The following RRAGD variants were observed in gnomAD, a reference collection of about 807,000 sequenced individuals.
The protein encoded by RRAGD is Ras related GTP binding D.
In RRAGD, 12 loss-of-function variants were observed where a neutral mutation model predicts 35.5. That is an observed-to-expected ratio of 0.34 (90% CI 0.22 to 0.55). RRAGD has a LOEUF of 0.55. Among genes scored for constraint, RRAGD ranks in the 20% least tolerant of loss-of-function variants. The probability of loss-of-function intolerance (pLI) is 0.91; values close to 1 mark genes in which losing one functional copy is unlikely to be tolerated. For synonymous variants in RRAGD, 155 were observed against 178.9 expected, an observed-to-expected ratio of 0.87 and a Z score of 1.07; for missense variants, 324 against 490.1, an observed-to-expected ratio of 0.66 and a Z score of 3.20.
intron 1 of RRAGD, among the ~76,000 whole-genome samples, chr6:89,408,698 C>T (rs1303977397): frequency 1.3e-5 from 2 of 152,082 alleles, no homozygotes; most frequent in African/African-American, 4.8e-5. Context: ...GAGCAGCTTA[C>T]GTTAGCCAAG....
At chr6:89,375,464 T>C (rs568763304) in intron 5 of RRAGD, among the ~76,000 whole-genome samples, 2 of 151,558 alleles carry the variant, frequency 1.3e-5, no homozygotes, top group African/African-American at 4.8e-5. Flanking sequence ...TGTGTGTGCA[T>C]ATATGTGCGT....
intron 1 of RRAGD, among the ~76,000 whole-genome samples, chr6:89,401,680 G>A (rs1769464940): frequency 6.6e-6 from 1 of 151,968 alleles, no homozygotes; most frequent in Admixed American, 6.6e-5. Context: ...CTCAGCTCAG[G>A]ATCTCACTTT....
At chr6:89,402,045 T>TTTTTTCTTTTTTTTTTTC (rs1769479114) in intron 1 of RRAGD, among the ~76,000 whole-genome samples, 1 of 134,000 alleles carries the variant, frequency 7.5e-6, no homozygotes, top group African/African-American at 3.1e-5. Flanking sequence ...AGGATTTTTT[T>TTTTTTCTTTTTTTTTTTC]TTTTTTTTTT....
Position 89,367,928 on chromosome 6 carries a change from A to ATTT in RRAGD, c.*125_*127dup. 15 of 717,172 alleles carry ATTT rather than the reference A, an allele frequency of 2.1e-5. No individual in the cohort carries two copies. Among genetic ancestry groups the ATTT allele is most frequent in the South Asian group, 4.1e-5 (1 of 24,194 alleles). 44.4% of individuals were successfully genotyped at this position (717,172 alleles called of 1,614,324 possible). On this transcript the variant is annotated 3_prime_UTR_variant, in exon 7 of 7. Transcript: ENST00000369415. ...AGAGAAGATCAAGAGGGTTGCAGGAATTTTTTTTTTTTAACAACAAATCAA... is the reference window on the plus strand; with the variant it reads ...AGAGAAGATCAAGAGGGTTGCAGGAATTTTTTTTTTTTTTTAACAACAAATCAA...
At chr6:89,399,232 G>C (rs148140238) in intron 1 of RRAGD, among the ~76,000 whole-genome samples, 22 of 152,296 alleles carry the variant, frequency 1.4e-4, no homozygotes, top group Non-Finnish European at 2.4e-4. Flanking sequence ...CACTGTGAAG[G>C]GGGGAGGGAG....
intron 1 of RRAGD, among the ~76,000 whole-genome samples, chr6:89,407,314 G>C (rs1005130776): frequency 6.6e-6 from 1 of 152,136 alleles, no homozygotes; most frequent in East Asian, 1.9e-4. Context: ...AAAATAAAAG[G>C]ATACCAAAAG....
At chr6:89,374,717 C>T (rs1013226390) in intron 5 of RRAGD, among the ~76,000 whole-genome samples, 10 of 149,092 alleles carry the variant, frequency 6.7e-5, no homozygotes, top group African/African-American at 2.0e-4. Flanking sequence ...GCAACAAGAG[C>T]GAAACTCCAT....
At position 89,372,397 on chromosome 6, in the gene RRAGD, C is replaced by T. The variant is rs186389752; in HGVS notation, c.1051+40G>A. 15 of 1,567,428 alleles carry T rather than the reference C, an allele frequency of 9.6e-6. No homozygotes were observed. In the African/African-American group the frequency reaches 1.6e-4, roughly 17 times the overall value. ...CAATACATGCAGTAGCAGTCTGATG[C>T]TTCTTTTAATGCTTCTTTTAAATCA... is the stretch of plus-strand genomic sequence containing the variant. On this transcript the variant is annotated intron_variant, in intron 6 of 6. Coordinates refer to ENST00000369415, the MANE Select transcript of RRAGD (RefSeq NM_021244.5).
intron 1 of RRAGD, among the ~76,000 whole-genome samples, chr6:89,407,352 A>C (rs1769601053): frequency 6.6e-6 from 1 of 152,168 alleles, no homozygotes. Context: ...AGAAAGAAGG[A>C]AGAGGCCGGG....
At chr6:89,383,080 C>T (rs990753898) in intron 2 of RRAGD, among the ~76,000 whole-genome samples, 1 of 152,078 alleles carries the variant, frequency 6.6e-6, no homozygotes, top group Non-Finnish European at 1.5e-5. Context: ...CACAAGGGAA[C>T]CTTTGGGGTG....
Position 89,411,946 on chromosome 6 carries a change from C to T in RRAGD, c.48G>A (p.Ala16=), listed in dbSNP as rs982668344. 3.9e-6 allele frequency: 6 copies of T among 1,539,148 alleles called. No homozygotes were observed. The highest frequency in any genetic ancestry group is 5.2e-6 in the Non-Finnish European group (6 of 1,146,038). Residue 16 remains alanine (A), a synonymous_variant, in exon 1 of 7, where the codon GCG becomes GCA. Coordinates refer to ENST00000369415, the MANE Select transcript of RRAGD (RefSeq NM_021244.5). The surrounding 1 kb of genome is among the most constrained non-coding windows in gnomAD (Gnocchi z 5.6). ...GCTCATCCTCCTCCTCCTCCTCCTC[C>T]GCGTCGTCCTCGTCCTGCGGCTGCG... ...GKPQPQDEDD[A]EEEEEEDELV...
At chr6:89,372,003 C>T (rs1768860845) in intron 6 of RRAGD, among the ~76,000 whole-genome samples, 1 of 152,182 alleles carries the variant, frequency 6.6e-6, no homozygotes, top group African/African-American at 2.4e-5. Flanking sequence ...CCCTCCTTTA[C>T]ATGGGAAGAA....
intron 1 of RRAGD, among the ~76,000 whole-genome samples, chr6:89,400,998 C>G (rs894521684): frequency 6.6e-6 from 1 of 152,104 alleles, no homozygotes; most frequent in Non-Finnish European, 1.5e-5. Context: ...CAAAGAAAAA[C>G]GATTCATCCC....
chr6:89,379,594 A>T (rs994384722), intron 3 of RRAGD, among the ~76,000 whole-genome samples: 2 of 152,248 alleles, frequency 1.3e-5, no homozygotes, highest in Admixed American at 1.3e-4. Context: ...CAACCGCAGC[A>T]ATCTGTGTCC....
intron 1 of RRAGD, 34 bp from the exon 2 acceptor site, chr6:89,387,624 ATGCTTTCACAGAGG>A: frequency 4.4e-6 from 7 of 1,579,502 alleles, no homozygotes; most frequent in Non-Finnish European, 6.0e-6. Flanking sequence ...TGAAGGTGAG[ATGCTTTCACAGAGG>A]TTAATTAGAG....
At chr6:89,382,400 A>AATATATAT (rs58343827) in intron 2 of RRAGD, among the ~76,000 whole-genome samples, 7,561 of 130,646 alleles carry the variant, frequency 0.058, 487 homozygotes, top group African/African-American at 0.13. Context: ...TATCTCTAGA[A>AATATATAT]ATATATATAT....
intron 1 of RRAGD, among the ~76,000 whole-genome samples, chr6:89,394,169 T>A (rs1438517387): frequency 6.7e-6 from 1 of 150,082 alleles, no homozygotes; most frequent in Non-Finnish European, 1.5e-5. Flanking sequence ...TAACAAAAGA[T>A]AAAACTCAAA....
intron 1 of RRAGD, among the ~76,000 whole-genome samples, chr6:89,396,600 G>A (rs1480508891): frequency 6.6e-6 from 1 of 151,572 alleles, no homozygotes; most frequent in African/African-American, 2.4e-5. Flanking sequence ...CTAATTTTTT[G>A]TAGAGATGGG....
intron 6 of RRAGD, among the ~76,000 whole-genome samples, chr6:89,369,050 C>T (rs75764258): frequency 0.013 from 1,927 of 151,628 alleles, 42 homozygotes; most frequent in African/African-American, 0.043. Context: ...CTTCTAGAGC[C>T]GCGTCCAAAG....
Sources: gnomAD v4.1 joint callset for allele counts (sites outside exome capture counted in the v4.1 genomes callset) on GRCh38, gnomAD v4.1.1 for gene constraint, Gnocchi (gnomAD v3.1) non-coding constraint, MANE v1.5 for transcripts, NCBI Gene and HGNC (gene_info 2026-07-23, HGNC 2026-07-21) for gene names.